Variants in RAP1GDS1 observed in about 807,000 individuals in gnomAD.
RAP1GDS1 encodes Rap1 GTPase-GDP dissociation stimulator 1, also known as RAP1, GTP-GDP dissociation stimulator 1.
A neutral mutation model predicts 71.1 loss-of-function variants in RAP1GDS1; 35 were observed. The observed-to-expected ratio is 0.49, with a 90% CI of 0.38 to 0.65. The LOEUF is 0.65. Ranked by LOEUF, RAP1GDS1 falls within the 30% of genes least tolerant of loss-of-function variation. RAP1GDS1 has a pLI of 0.00. For synonymous variants in RAP1GDS1, 229 were observed against 243.1 expected (o/e 0.94, Z 0.54); for missense variants, 663 against 706.1 (o/e 0.94, Z 0.69).
intron 5 of RAP1GDS1, among the ~76,000 whole-genome samples, chr4:98,389,366 A>C (rs1578695014): frequency 6.6e-6 from 1 of 151,636 alleles, no homozygotes; most frequent in African/African-American, 2.4e-5. Context: ...CAGGCCTGCC[A>C]GTCGGTGTGA....
chr4:98,293,620 T>C, intron 2 of RAP1GDS1, 105 bp downstream of exon 2: 1 of 763,044 alleles, frequency 1.3e-6, no homozygotes, highest in Non-Finnish European at 2.2e-6. Context: ...TCATATAACT[T>C]GAATTCTTTT....
intron 1 of RAP1GDS1, among the ~76,000 whole-genome samples, chr4:98,266,764 GTAC>G (rs1183811473): frequency 2.6e-5 from 4 of 152,122 alleles, no homozygotes; most frequent in Non-Finnish European, 4.4e-5. Flanking sequence ...TCTGAAGTCT[GTAC>G]TACTACTATT....
intron 5 of RAP1GDS1, 103 bp from the exon 6 acceptor site, chr4:98,391,849 T>G (rs1694008952): frequency 2.7e-6 from 3 of 1,123,688 alleles, no homozygotes; most frequent in Admixed American, 6.7e-5. Flanking sequence ...TTAAATAACT[T>G]TGAGTTTCCA....
intron 1 of RAP1GDS1, among the ~76,000 whole-genome samples, chr4:98,281,757 G>C (rs1032798089): frequency 2.0e-5 from 3 of 152,120 alleles, no homozygotes; most frequent in African/African-American, 7.2e-5. Flanking sequence ...GTCATAAATA[G>C]CTCTTATTAT....
intron 4 of RAP1GDS1, among the ~76,000 whole-genome samples, chr4:98,364,018 T>C (rs1310905245): frequency 6.6e-6 from 1 of 152,114 alleles, no homozygotes; most frequent in Admixed American, 6.6e-5. Flanking sequence ...GTTTTTTGTT[T>C]CTGGGTTTTT....
chr4:98,349,402 A>T (rs1366972741), intron 3 of RAP1GDS1, among the ~76,000 whole-genome samples: 1 of 152,134 alleles, frequency 6.6e-6, no homozygotes, highest in East Asian at 1.9e-4. Context: ...AGGTAGTGTG[A>T]TGCCTCCAGC....
chr4:98,407,294 T>G (rs1270630671), intron 7 of RAP1GDS1, among the ~76,000 whole-genome samples: 6 of 152,080 alleles, frequency 3.9e-5, no homozygotes, highest in Non-Finnish European at 8.8e-5. Flanking sequence ...AATCTGCACT[T>G]GTACTCCCTA....
intron 1 of RAP1GDS1, among the ~76,000 whole-genome samples, chr4:98,272,207 AT>A (rs1407546612): frequency 6.6e-6 from 1 of 152,218 alleles, no homozygotes; most frequent in African/African-American, 2.4e-5. Context: ...CAGACTCTGC[AT>A]TTTAAATAAT....
chr4:98,310,809 T>TAA lies in RAP1GDS1; in HGVS notation c.112+17303_112+17304dup, dbSNP rs148479348. 1.3e-4 allele frequency among the ~76,000 whole-genome samples: 20 copies of TAA among 148,716 alleles called. 2 individuals are homozygous for TAA. The highest frequency in any genetic ancestry group is 3.2e-4 in the African/African-American group (13 of 40,780). ...AACTATAATCTCAAAGACTTATTGC[T>TAA]AAAAAAAAAAGATTTAATTTTTATA... is the stretch of plus-strand genomic sequence containing the variant. On this transcript the variant is annotated intron_variant, in intron 2 of 14. Transcript: ENST00000408927.
intron 1 of RAP1GDS1, among the ~76,000 whole-genome samples, chr4:98,281,212 A>G (rs1347408207): frequency 6.6e-6 from 1 of 152,164 alleles, no homozygotes; most frequent in Non-Finnish European, 1.5e-5. Flanking sequence ...CAGTATGGCC[A>G]TTTTCATGAT....
intron 1 of RAP1GDS1, among the ~76,000 whole-genome samples, chr4:98,280,957 C>T (rs1236895774): frequency 3.3e-5 from 5 of 152,116 alleles, no homozygotes; most frequent in African/African-American, 7.2e-5. Flanking sequence ...CTGTTCTGTT[C>T]CATTGGTCTA....
At chr4:98,362,166 C>A (rs879807248) in intron 4 of RAP1GDS1, among the ~76,000 whole-genome samples, 11 of 152,140 alleles carry the variant, frequency 7.2e-5, no homozygotes, top group South Asian at 2.1e-4. Flanking sequence ...TTCATAAATA[C>A]ATTTTAACTT....
intron 14 of RAP1GDS1, among the ~76,000 whole-genome samples, chr4:98,439,583 A>G (rs143404798): frequency 2.0e-3 from 302 of 152,152 alleles, no homozygotes; most frequent in African/African-American, 7.2e-3. Flanking sequence ...TAGGTCCCTG[A>G]GGTTTTGTTC....
chr4:98,407,081 G>C (rs191192023), intron 7 of RAP1GDS1, among the ~76,000 whole-genome samples: 1 of 152,170 alleles, frequency 6.6e-6, no homozygotes, highest in Non-Finnish European at 1.5e-5. Context: ...TTAGGGGAAA[G>C]AAAATATAAA....
At chr4:98,326,195 T>G (rs1265672754) in intron 2 of RAP1GDS1, among the ~76,000 whole-genome samples, 1 of 152,234 alleles carries the variant, frequency 6.6e-6, no homozygotes, top group African/African-American at 2.4e-5. Context: ...ACATATGCTT[T>G]TTAAATATTG....
At chr4:98,437,099 A>T (rs764193382) in intron 14 of RAP1GDS1, 31 bp downstream of exon 14, 1 of 1,548,534 alleles carries the variant, frequency 6.5e-7, no homozygotes, top group South Asian at 1.3e-5. Context: ...TGATGTCCAT[A>T]AACATATGGT....
Position 98,433,921 on chromosome 4 carries a change from T to C in RAP1GDS1, c.1441-15T>C. The C allele has an allele frequency of 1.3e-6, 2 of 1,590,520 alleles. No individual in the cohort carries two copies. Among genetic ancestry groups the C allele is most frequent in the Non-Finnish European group, 1.7e-6 (2 of 1,160,604 alleles). On this transcript the variant is annotated splice_polypyrimidine_tract_variant and intron_variant, in intron 12 of 14. Transcript: ENST00000408927. ...AAAATTAAAGTCTATAATTCTCTGA[T>C]ATTATTTATTGTAGGATGTAATTAA...
chr4:98,293,925 CA>C (rs1207656793), intron 2 of RAP1GDS1, among the ~76,000 whole-genome samples: 2 of 151,990 alleles, frequency 1.3e-5, no homozygotes, highest in African/African-American at 2.4e-5. Context: ...AAACACTTAA[CA>C]TTTTTTTGGA....
chr4:98,374,968 T>G (rs981197249), intron 4 of RAP1GDS1, among the ~76,000 whole-genome samples: 5 of 152,186 alleles, frequency 3.3e-5, no homozygotes, highest in African/African-American at 1.2e-4. Flanking sequence ...AAAAAGAAAC[T>G]TAAATATTTC....
Sources: gnomAD v4.1 joint callset for allele counts (sites outside exome capture counted in the v4.1 genomes callset) on GRCh38, gnomAD v4.1.1 for gene constraint, MANE v1.5 for transcripts, NCBI Gene and HGNC (gene_info 2026-07-23, HGNC 2026-07-21) for gene names.